The following CPNE4 variants were observed in gnomAD, a reference collection of about 807,000 sequenced individuals.
CPNE4 encodes copine-4.
Under a neutral mutation model 67.9 loss-of-function variants are expected in CPNE4, and 25 were observed. The ratio of observed to expected loss-of-function variants is 0.37; its 90% CI spans 0.27 to 0.51. The LOEUF (loss-of-function observed/expected upper bound fraction) is 0.51. Among genes scored for constraint, CPNE4 ranks in the 20% least tolerant of loss-of-function variants. The pLI is 0.93. For missense variants in CPNE4, 464 were observed against 690.8 expected (o/e 0.67, Z 3.68); for synonymous variants, 242 against 244.9 (o/e 0.99, Z 0.11).
chr3:132,013,543 A>G (rs1167524863), intron 1 of CPNE4, among the ~76,000 whole-genome samples: 1 of 152,220 alleles, frequency 6.6e-6, no homozygotes, highest in Admixed American at 6.5e-5. Context: ...ACTTTTTTTC[A>G]TAATTAAAAA....
At chr3:131,716,951 C>T in intron 3 of CPNE4, among the ~76,000 whole-genome samples, 1 of 152,234 alleles carries the variant, frequency 6.6e-6, no homozygotes, top group Non-Finnish European at 1.5e-5. Context: ...CCCGGGGGTG[C>T]CCAACATCTG....
intron 7 of CPNE4, among the ~76,000 whole-genome samples, chr3:131,619,134 A>G (rs1940326489): frequency 6.6e-6 from 1 of 152,158 alleles, no homozygotes; most frequent in Non-Finnish European, 1.5e-5. Flanking sequence ...GCAGATAAGG[A>G]TATCTAGTTT....
chr3:132,027,353 G>A (rs1025978657), intron 1 of CPNE4, among the ~76,000 whole-genome samples: 3 of 152,154 alleles, frequency 2.0e-5, no homozygotes, highest in African/African-American at 7.2e-5. Flanking sequence ...TGGGAGGGGT[G>A]TGCATAATTT....
intron 7 of CPNE4, among the ~76,000 whole-genome samples, chr3:131,603,778 T>G (rs1939344193): frequency 6.6e-6 from 1 of 152,142 alleles, no homozygotes; most frequent in African/African-American, 2.4e-5. Context: ...TGAAAAGATT[T>G]TCCTTTCAAA....
intron 7 of CPNE4, among the ~76,000 whole-genome samples, chr3:131,593,986 G>A (rs1357214928): frequency 6.6e-6 from 1 of 152,074 alleles, no homozygotes; most frequent in Non-Finnish European, 1.5e-5. Flanking sequence ...CTAAAGTGCT[G>A]GGATTACAGG....
intron 1 of CPNE4, among the ~76,000 whole-genome samples, chr3:131,994,402 C>A (rs2073239572): frequency 7.4e-6 from 1 of 135,742 alleles, no homozygotes; most frequent in Non-Finnish European, 1.7e-5. Context: ...CTTCTTGCTT[C>A]TCAAAGTAAG....
intron 7 of CPNE4, among the ~76,000 whole-genome samples, chr3:131,594,630 T>G (rs1439704148): frequency 6.6e-6 from 1 of 152,190 alleles, no homozygotes; most frequent in Non-Finnish European, 1.5e-5. Flanking sequence ...GTCTTGACAT[T>G]GGTCTTGGCA....
At chr3:131,566,120 C>G (rs911449857) in intron 10 of CPNE4, among the ~76,000 whole-genome samples, 2 of 151,696 alleles carry the variant, frequency 1.3e-5, no homozygotes, top group Non-Finnish European at 2.9e-5. Flanking sequence ...TGTCTATGAC[C>G]AAAACACCAG....
intron 2 of CPNE4, among the ~76,000 whole-genome samples, chr3:131,802,795 T>C (rs1048868558): frequency 9.9e-5 from 15 of 152,156 alleles, no homozygotes; most frequent in African/African-American, 2.7e-4. Context: ...AAACAGTATA[T>C]TTTATGGACA....
At chr3:131,592,703 C>G (rs16837168) in intron 7 of CPNE4, among the ~76,000 whole-genome samples, 18,991 of 151,872 alleles carry the variant, frequency 0.13, 1,553 homozygotes, top group African/African-American at 0.23. Context: ...GAAGCAGGAA[C>G]TTAGAATCAA....
At chr3:131,813,256 T>C (rs2084604048) in intron 2 of CPNE4, among the ~76,000 whole-genome samples, 1 of 151,576 alleles carries the variant, frequency 6.6e-6, no homozygotes. Flanking sequence ...CTATGTGTAA[T>C]ATAAATTGAA....
chr3:131,944,068 T>C (rs970810955), intron 1 of CPNE4, among the ~76,000 whole-genome samples: 1 of 152,124 alleles, frequency 6.6e-6, no homozygotes, highest in African/African-American at 2.4e-5. Flanking sequence ...ACAAGAACTA[T>C]TTTTTTCAAT....
intron 2 of CPNE4, among the ~76,000 whole-genome samples, chr3:131,788,080 T>A (rs1006857721): frequency 6.6e-6 from 1 of 152,068 alleles, no homozygotes; most frequent in Admixed American, 6.6e-5. Flanking sequence ...GTAAATATGA[T>A]TCTGATTTTG....
intron 1 of CPNE4, among the ~76,000 whole-genome samples, chr3:131,978,504 T>TTATATA (rs1174008333): frequency 1.4e-5 from 1 of 70,384 alleles, no homozygotes; most frequent in East Asian, 3.9e-4. Context: ...ATTTATATAT[T>TTATATA]TATATATATT....
chr3:131,719,987 G>A (rs1407925660), intron 3 of CPNE4, among the ~76,000 whole-genome samples: 1 of 152,170 alleles, frequency 6.6e-6, no homozygotes, highest in Non-Finnish European at 1.5e-5. Context: ...TCTTGAGCTA[G>A]GGATAGGGCT....
At chr3:131,788,879 A>C (rs1019955043) in intron 2 of CPNE4, among the ~76,000 whole-genome samples, 33 of 152,046 alleles carry the variant, frequency 2.2e-4, no homozygotes, top group Admixed American at 2.2e-3. Flanking sequence ...ATACTAACAG[A>C]AATTATTAGC....
chr3:131,659,051 G>GA (rs1319228993), intron 7 of CPNE4, among the ~76,000 whole-genome samples: 4 of 152,164 alleles, frequency 2.6e-5, no homozygotes, highest in African/African-American at 9.7e-5. Context: ...GTGCAAAAAT[G>GA]AAAATTGAGA....
chr3:131,953,234 TCAATTAAAAAAA>T, intron 1 of CPNE4, among the ~76,000 whole-genome samples: 1 of 15,444 alleles, frequency 6.5e-5, no homozygotes. Context: ...CCAAGAATGA[TCAATTAAAAAAA>T]AAAAAAAAAA....
At chr3:131,673,583 T>C (rs777259175) in intron 6 of CPNE4, among the ~76,000 whole-genome samples, 2 of 152,034 alleles carry the variant, frequency 1.3e-5, no homozygotes, top group Non-Finnish European at 2.9e-5. Flanking sequence ...TATTTGTAGC[T>C]ATTATAAATG....
Sources: allele counts gnomAD v4.1 joint callset (sites outside exome capture counted in the v4.1 genomes callset), GRCh38; gene constraint gnomAD v4.1.1; transcripts MANE v1.5; gene names NCBI Gene and HGNC (gene_info 2026-07-23, HGNC 2026-07-21).